UNC5B: variants seen among roughly 807,000 people sequenced by gnomAD.
UNC5B encodes the protein unc-5 netrin receptor B, also known as netrin receptor UNC5B.
UNC5B carries 56 observed loss-of-function variants against 103.7 expected under a neutral mutation model. The observed-to-expected ratio is 0.54, with a 90% CI of 0.44 to 0.67. The LOEUF (loss-of-function observed/expected upper bound fraction) is 0.67, where lower values mean the gene tolerates loss of function less well. Ranked by LOEUF, UNC5B falls within the 30% of genes least tolerant of loss-of-function variation. The probability of loss-of-function intolerance (pLI) is 0.00; values close to 1 mark genes in which losing one functional copy is unlikely to be tolerated. For missense variants in UNC5B, 1,194 were observed against 1,284.5 expected (o/e 0.93, Z 1.08); for synonymous variants, 577 against 542.0 (o/e 1.06, Z -0.90).
chr10:71,228,329 C>T (rs574188345), intron 1 of UNC5B, among the ~76,000 whole-genome samples: 26 of 150,030 alleles, frequency 1.7e-4, no homozygotes, highest in Admixed American at 2.7e-4. Flanking sequence ...GATCTAGAGG[C>T]AATAAAATAA....
intron 1 of UNC5B, among the ~76,000 whole-genome samples, chr10:71,236,643 G>A (rs1843781063): frequency 6.6e-6 from 1 of 152,220 alleles, no homozygotes; most frequent in African/African-American, 2.4e-5. Flanking sequence ...CCTCATTCAT[G>A]GGTGCTGGGC....
chr10:71,239,678 G>A (rs1321899066), intron 1 of UNC5B, among the ~76,000 whole-genome samples: 4 of 152,182 alleles, frequency 2.6e-5, no homozygotes, highest in African/African-American at 9.6e-5. Flanking sequence ...GCAAGAGCAG[G>A]GCATCCACGG....
At chr10:71,265,329 C>T (rs1021059447) in intron 1 of UNC5B, among the ~76,000 whole-genome samples, 7 of 152,106 alleles carry the variant, frequency 4.6e-5, no homozygotes, top group South Asian at 2.1e-4. Flanking sequence ...GGCAACCTGG[C>T]GGGACTGGGG....
chr10:71,248,633 T>C (rs1464320080), intron 1 of UNC5B, among the ~76,000 whole-genome samples: 1 of 152,202 alleles, frequency 6.6e-6, no homozygotes, highest in Non-Finnish European at 1.5e-5. Flanking sequence ...GGCTAATATC[T>C]GCTGCACTCA....
Position 71,291,585 on chromosome 10 carries a change from A to G in UNC5B, c.1448A>G (p.Lys483Arg). ...GACCCCTTACCCAGCCTTAAGGTCA[A>G]GGTCTACAGCTCCAGCACCACGGGC... ...LLDPLPSLKVKVYSSSTTGSG... is the reference protein window; with the variant it reads ...LLDPLPSLKVRVYSSSTTGSG... The change falls in exon 10 of 17, where the codon AAG becomes AGG. Residue 483 changes from lysine to arginine, a missense_variant. Coordinates refer to ENST00000335350, the MANE Select transcript of UNC5B (RefSeq NM_170744.5). 1 of 1,614,152 alleles carries G rather than the reference A, an allele frequency of 6.2e-7. No individual in the cohort carries two copies. Among genetic ancestry groups the G allele is most frequent in the Admixed American group, 1.7e-5 (1 of 60,022 alleles).
chr10:71,243,831 G>A (rs1843962791), intron 1 of UNC5B, among the ~76,000 whole-genome samples: 1 of 152,256 alleles, frequency 6.6e-6, no homozygotes, highest in African/African-American at 2.4e-5. Context: ...AATAACATTG[G>A]TTGAGTTCTA....
chr10:71,224,082 T>G (rs915218759), intron 1 of UNC5B, among the ~76,000 whole-genome samples: 1 of 152,194 alleles, frequency 6.6e-6, no homozygotes, highest in African/African-American at 2.4e-5. Context: ...GGCTCACTGG[T>G]CCTTGTCAGG....
chr10:71,246,881 C>G (rs1289936516), intron 1 of UNC5B, among the ~76,000 whole-genome samples: 4 of 152,150 alleles, frequency 2.6e-5, no homozygotes, highest in African/African-American at 9.7e-5. Flanking sequence ...TTAAACACTC[C>G]GGGTTCACGG....
At chr10:71,240,452 C>T (rs184667156) in intron 1 of UNC5B, among the ~76,000 whole-genome samples, 3 of 152,350 alleles carry the variant, frequency 2.0e-5, no homozygotes, top group East Asian at 3.9e-4. Context: ...TGGTGATGCC[C>T]GTGGCCTGCC....
intron 1 of UNC5B, among the ~76,000 whole-genome samples, chr10:71,271,008 T>G (rs1016556906): frequency 9.2e-5 from 14 of 152,132 alleles, no homozygotes; most frequent in African/African-American, 2.9e-4. Context: ...TGTGTGTGTC[T>G]GAGGGGGCTT....
chr10:71,271,704 A>C (rs573319852), intron 1 of UNC5B, among the ~76,000 whole-genome samples: 1 of 152,106 alleles, frequency 6.6e-6, no homozygotes, highest in Admixed American at 6.5e-5. Context: ...CCTCCCATCC[A>C]CTTCTTCACC....
intron 2 of UNC5B, among the ~76,000 whole-genome samples, chr10:71,282,259 G>T (rs1038183778): frequency 1.3e-5 from 2 of 152,162 alleles, no homozygotes; most frequent in Non-Finnish European, 2.9e-5. Context: ...ACAGCTGGGG[G>T]CCAGGAGAGG....
intron 1 of UNC5B, among the ~76,000 whole-genome samples, chr10:71,265,701 A>G (rs1589177009): frequency 1.3e-5 from 2 of 152,172 alleles, no homozygotes; most frequent in South Asian, 2.1e-4. Context: ...CTTCCTCCCT[A>G]AGGAGAGGCT....
At chr10:71,259,094 A>G (rs1347820525) in intron 1 of UNC5B, among the ~76,000 whole-genome samples, 1 of 152,222 alleles carries the variant, frequency 6.6e-6, no homozygotes, top group Non-Finnish European at 1.5e-5. Flanking sequence ...CATTCATTAG[A>G]AAAGTAATGA....
At chr10:71,219,611 A>G (rs1843411255) in intron 1 of UNC5B, among the ~76,000 whole-genome samples, 1 of 152,210 alleles carries the variant, frequency 6.6e-6, no homozygotes, top group African/African-American at 2.4e-5. Context: ...ACACCCTCAC[A>G]GACACACCCA....
intron 1 of UNC5B, among the ~76,000 whole-genome samples, chr10:71,251,448 AC>A (rs1490941211): frequency 6.6e-6 from 1 of 152,200 alleles, no homozygotes; most frequent in Non-Finnish European, 1.5e-5. Flanking sequence ...TCTGGCAGCC[AC>A]CCTGGACTTC....
intron 1 of UNC5B, among the ~76,000 whole-genome samples, chr10:71,263,609 C>T (rs1297252799): frequency 2.0e-5 from 3 of 152,218 alleles, no homozygotes; most frequent in East Asian, 3.8e-4. Flanking sequence ...TTGTCCAACA[C>T]GGAGTGCGGC....
intron 1 of UNC5B, among the ~76,000 whole-genome samples, chr10:71,230,556 C>T (rs932920499): frequency 6.6e-6 from 1 of 152,272 alleles, no homozygotes; most frequent in South Asian, 2.1e-4. Flanking sequence ...TCTCTGCCCT[C>T]CCCACCTCAT....
In UNC5B at chr10:71,299,447, C is replaced by G; in HGVS notation, c.*170C>G. ...CAGACCATGACCAGCCTTAGAAAAT[C>G]CATGTACTCTGTTGTTAGAGGGCCC... On this transcript the variant is annotated 3_prime_UTR_variant, in exon 17 of 17. Transcript: ENST00000335350. 1.3e-6 allele frequency: 1 copy of G among 761,410 alleles called. No homozygotes were observed. Among genetic ancestry groups the G allele is most frequent in the Non-Finnish European group, 2.1e-6 (1 of 481,818 alleles). 47.2% of individuals were successfully genotyped at this position (761,410 alleles called of 1,614,324 possible). A position where few individuals can be genotyped will look rare whatever the true frequency, so the allele number is the denominator to read the frequency against.
Sources: gnomAD v4.1 joint callset for allele counts (sites outside exome capture counted in the v4.1 genomes callset) on GRCh38, gnomAD v4.1.1 for gene constraint, MANE v1.5 for transcripts, NCBI Gene and HGNC (gene_info 2026-07-23, HGNC 2026-07-21) for gene names.